Variants in RCAN3 observed in about 807,000 individuals in gnomAD.
RCAN3 encodes regulator of calcineurin 3.
Under a neutral mutation model 21.9 loss-of-function variants are expected in RCAN3, and 19 were observed. The observed-to-expected ratio is 0.87, with a 90% CI of 0.61 to 1.27. The LOEUF is 1.27. Among genes scored for constraint, RCAN3 ranks in the 50% most tolerant of loss-of-function variants. The pLI is 0.00. For synonymous variants in RCAN3, 114 were observed against 112.3 expected, an observed-to-expected ratio of 1.01 and a Z score of -0.09; for missense variants, 240 against 300.1, an observed-to-expected ratio of 0.80 and a Z score of 1.48.
intron 2 of RCAN3, among the ~76,000 whole-genome samples, chr1:24,521,372 C>G (rs564252845): frequency 2.6e-5 from 4 of 152,206 alleles, no homozygotes; most frequent in Admixed American, 2.6e-4. Context: ...TGAGGCCAGC[C>G]TGGAAACGTA....
chr1:24,527,319 T>C lies in RCAN3; in HGVS notation c.196-3899T>C, dbSNP rs549151053. On this transcript the variant is annotated intron_variant, in intron 2 of 4. Coordinates refer to ENST00000374395, the MANE Select transcript of RCAN3 (RefSeq NM_013441.4). ...CGCATGGCTTTCTGTATTACTTTAATATATGGAAACACGATAGTAAATAAG... is the reference window on the plus strand; with the variant it reads ...CGCATGGCTTTCTGTATTACTTTAACATATGGAAACACGATAGTAAATAAG... 9.5e-4 allele frequency among the ~76,000 whole-genome samples: 145 copies of C among 152,328 alleles called. 1 individual carries two copies. Among genetic ancestry groups the C allele is most frequent in the Middle Eastern group, 6.8e-3 (2 of 294 alleles).
chr1:24,529,036 C>T (rs1649517342), intron 2 of RCAN3, among the ~76,000 whole-genome samples: 2 of 152,202 alleles, frequency 1.3e-5, no homozygotes, highest in South Asian at 4.1e-4. Flanking sequence ...AGATAAAAAA[C>T]TCCCATCTAT....
chr1:24,514,159 C>T (rs936282748), intron 1 of RCAN3, among the ~76,000 whole-genome samples, 155 bp from the exon 2 acceptor site: 1 of 152,166 alleles, frequency 6.6e-6, no homozygotes, highest in African/African-American at 2.4e-5. Flanking sequence ...ATCTAGAATT[C>T]ACTTACGAGG....
At chr1:24,505,431 C>T (rs774896966) in intron 1 of RCAN3, among the ~76,000 whole-genome samples, 2 of 151,526 alleles carry the variant, frequency 1.3e-5, no homozygotes, top group Admixed American at 6.6e-5. Flanking sequence ...CCATGTTGCC[C>T]GGGCTGGTCT....
intron 2 of RCAN3, among the ~76,000 whole-genome samples, chr1:24,530,154 G>C (rs1465843561): frequency 6.6e-6 from 1 of 151,714 alleles, no homozygotes; most frequent in Non-Finnish European, 1.5e-5. Context: ...AGGAGTTTGA[G>C]ACCAGCTTGG....
intron 1 of RCAN3, among the ~76,000 whole-genome samples, chr1:24,504,829 G>A (rs1029711696): frequency 2.0e-5 from 3 of 152,182 alleles, no homozygotes; most frequent in African/African-American, 7.2e-5. Context: ...ACAACAAATA[G>A]CATCAGTCTT....
In RCAN3 at chr1:24,514,428, C is replaced by G; in HGVS notation, c.56C>G (p.Thr19Ser). Residue 19 changes from threonine to serine, a missense_variant, in exon 2 of 5, where the codon ACT (threonine) becomes AGT (serine). Transcript: ENST00000374395. ...GATAGCCAGTCAGATCTGTGTAGCA[C>G]TGACCAAGAAGAGGAAGAAGAGATG... ...WNDSQSDLCS[T>S]DQEEEEEMIF... is the part of the protein sequence containing the mutation. The G allele has an allele frequency of 6.2e-7, 1 of 1,614,046 alleles. No homozygotes were observed. Among genetic ancestry groups the G allele is most frequent in the Non-Finnish European group, 8.5e-7 (1 of 1,179,996 alleles).
chr1:24,533,154 C>T lies in RCAN3; in HGVS notation c.441C>T (p.Ile147=), dbSNP rs1040287237. The change falls in exon 4 of 5, where the codon ATC becomes ATT. Residue 147 remains isoleucine, a synonymous_variant. Transcript: ENST00000374395. ...LPPQPVKQFL[I]SPPASPPVGW... ...CCCAGCCTGTCAAGCAGTTCCTCAT[C>T]TCCCCTCCAGCCTCTCCCCCGGTGG... is the stretch of plus-strand genomic sequence containing the variant. 21 of 1,603,352 alleles carry T rather than the reference C, an allele frequency of 1.3e-5. No homozygotes were observed. The highest frequency in any genetic ancestry group is 1.7e-5 in the Admixed American group (1 of 57,326).
chr1:24,532,980 T>G (rs1292369153), intron 3 of RCAN3, 103 bp from the exon 4 acceptor site: 4 of 376,908 alleles, frequency 1.1e-5, no homozygotes, highest in South Asian at 1.4e-4. Flanking sequence ...AAAAAAGAAA[T>G]GTTTAATTTT....
At chr1:24,508,541 T>C (rs1289075313) in intron 1 of RCAN3, among the ~76,000 whole-genome samples, 1 of 151,938 alleles carries the variant, frequency 6.6e-6, no homozygotes, top group African/African-American at 2.4e-5. Context: ...GTAAAAAAGA[T>C]AGAGCTGGTG....
At position 24,536,343 on chromosome 1, in the gene RCAN3, AG is replaced by A. The variant is rs544532452; in HGVS notation, c.*1071del. 226 of 152,344 alleles carry A rather than the reference AG, an allele frequency of 1.5e-3. 1 individual carries two copies. Among genetic ancestry groups the A allele is most frequent in the African/African-American group, 5.1e-3 (214 of 41,588 alleles). The allele number at this position is 152,344 out of a possible 1,614,324, so 9.4% of individuals were successfully genotyped here. ...CTATTTTTCTATGAATTAGGGAATG[AG>A]GGGGAGATCATTCAGTTTTACTTTT... On this transcript the variant is annotated 3_prime_UTR_variant, in exon 5 of 5. Coordinates refer to ENST00000374395, the MANE Select transcript of RCAN3 (RefSeq NM_013441.4).
intron 2 of RCAN3, among the ~76,000 whole-genome samples, chr1:24,524,807 C>G (rs1052515371): frequency 6.7e-6 from 1 of 149,448 alleles, no homozygotes; most frequent in African/African-American, 2.5e-5. Flanking sequence ...TCCTCCTACT[C>G]TGTTTATTTT....
intron 2 of RCAN3, among the ~76,000 whole-genome samples, chr1:24,528,731 G>A (rs765484905): frequency 1.1e-4 from 16 of 152,118 alleles, no homozygotes; most frequent in Non-Finnish European, 2.1e-4. Flanking sequence ...CCAAATGTAC[G>A]AAAAAATAAC....
At chr1:24,523,628 ACAC>A (rs1349215154) in intron 2 of RCAN3, among the ~76,000 whole-genome samples, 14 of 138,780 alleles carry the variant, frequency 1.0e-4, no homozygotes, top group Non-Finnish European at 1.7e-4. Flanking sequence ...ACACACACAC[ACAC>A]ACACACACAC....
intron 4 of RCAN3, among the ~76,000 whole-genome samples, chr1:24,533,538 G>A (rs568146203): frequency 7.2e-5 from 11 of 152,310 alleles, no homozygotes; most frequent in Middle Eastern, 3.4e-3. Flanking sequence ...GGTGGCCCAC[G>A]CCTGTAATCC....
chr1:24,512,487 TC>T (rs1252927043), intron 1 of RCAN3, among the ~76,000 whole-genome samples: 1 of 152,048 alleles, frequency 6.6e-6, no homozygotes, highest in East Asian at 1.9e-4. Context: ...TTTTCTTCAC[TC>T]CCCAACACCA....
At chr1:24,530,720 T>G (rs1649691375) in intron 2 of RCAN3, among the ~76,000 whole-genome samples, 2 of 152,186 alleles carry the variant, frequency 1.3e-5, no homozygotes, top group Non-Finnish European at 2.9e-5. Flanking sequence ...ACATTTAAAA[T>G]AAGTGCACGA....
At chr1:24,504,191 T>G (rs1185619731) in intron 1 of RCAN3, among the ~76,000 whole-genome samples, 1 of 152,220 alleles carries the variant, frequency 6.6e-6, no homozygotes. Context: ...TCTTCTCTTC[T>G]CTTTTCTTCT....
intron 2 of RCAN3, among the ~76,000 whole-genome samples, chr1:24,527,959 T>C (rs1649407835): frequency 6.6e-6 from 1 of 152,152 alleles, no homozygotes; most frequent in Non-Finnish European, 1.5e-5. Flanking sequence ...TCTTTTTCTC[T>C]AGTCCATCTC....
Sources: gnomAD v4.1 joint callset for allele counts (sites outside exome capture counted in the v4.1 genomes callset) on GRCh38, gnomAD v4.1.1 for gene constraint, MANE v1.5 for transcripts, NCBI Gene and HGNC (gene_info 2026-07-23, HGNC 2026-07-21) for gene names.